The following WDFY3 variants were observed in gnomAD, a reference collection of about 807,000 sequenced individuals.
WDFY3 encodes WD repeat and FYVE domain containing 3.
A neutral mutation model predicts 409.6 loss-of-function variants in WDFY3; 66 were observed. The ratio of observed to expected loss-of-function variants is 0.16; its 90% confidence interval spans 0.13 to 0.20. The LOEUF is 0.20. WDFY3 is among the 10% of genes least tolerant of loss of function. WDFY3 has a pLI of 1.00. For missense variants in WDFY3, 3,031 were observed against 4,298.1 expected (o/e 0.71, Z 8.24); for synonymous variants, 1,521 against 1,537.1 (o/e 0.99, Z 0.25).
At chr4:84,961,723 A>G (rs985170242) in intron 1 of WDFY3, among the ~76,000 whole-genome samples, 1 of 152,324 alleles carries the variant, frequency 6.6e-6, no homozygotes, top group Admixed American at 6.5e-5. Flanking sequence ...TGAAAATAAG[A>G]GTAAAAAAAT....
intron 36 of WDFY3, among the ~76,000 whole-genome samples, chr4:84,747,806 C>T (rs1192101749): frequency 6.6e-6 from 1 of 152,080 alleles, no homozygotes; most frequent in African/African-American, 2.4e-5. Flanking sequence ...CCCCTTCTGC[C>T]ATGACTGTAA....
chr4:84,689,200 G>T (rs961258927), intron 61 of WDFY3, among the ~76,000 whole-genome samples: 1 of 152,072 alleles, frequency 6.6e-6, no homozygotes, highest in African/African-American at 2.4e-5. Context: ...CAGATTGAAG[G>T]TTGATAAATT....
At chr4:84,817,674 G>A in intron 12 of WDFY3, 89 bp from the exon 13 acceptor site, 1 of 1,199,606 alleles carries the variant, frequency 8.3e-7, no homozygotes, top group Non-Finnish European at 1.2e-6. Context: ...ATTTTTTGTA[G>A]GTAAAGTAAC....
chr4:84,914,884 CTT>C (rs1017489387), intron 2 of WDFY3, among the ~76,000 whole-genome samples: 6 of 152,102 alleles, frequency 3.9e-5, no homozygotes, highest in Non-Finnish European at 8.8e-5. Context: ...TGCCAATGTT[CTT>C]ATCAGCAATT....
intron 1 of WDFY3, chr4:84,965,697 G>A (rs1775567750): frequency 1.3e-5 from 2 of 152,298 alleles, no homozygotes; most frequent in Non-Finnish European, 2.9e-5. Flanking sequence ...GAGGCCCGAA[G>A]CCCTGGAGAC....
In WDFY3 at chr4:84,677,473, G is replaced by A. The variant is rs549577650; in HGVS notation, c.10260-77C>T. 25 of 1,400,236 alleles carry A rather than the reference G, an allele frequency of 1.8e-5. No homozygotes were observed. The East Asian group carries it at 4.0e-4, about 22-fold the overall frequency. The allele number at this position is 1,400,236 out of a possible 1,614,324, so 86.7% of individuals were successfully genotyped here. A position where few individuals can be genotyped will look rare whatever the true frequency, so the allele number is the denominator to read the frequency against. The stretch of plus-strand genomic sequence containing the variant: ...CCTTCTTGAGGCTCTCTGGATTTTG[G>A]TGGATGTGTGTTTTGAGGTCGGGGC... On this transcript the variant is annotated intron_variant, in intron 66 of 67. Coordinates refer to ENST00000295888, the MANE Select transcript of WDFY3 (RefSeq NM_014991.6).
intron 2 of WDFY3, among the ~76,000 whole-genome samples, chr4:84,907,193 G>A (rs765958027): frequency 1.3e-5 from 2 of 152,010 alleles, no homozygotes; most frequent in Non-Finnish European, 2.9e-5. Context: ...ATATATCCAC[G>A]AATTTTATGA....
chr4:84,904,613 T>A (rs1303966075), intron 2 of WDFY3, among the ~76,000 whole-genome samples: 1 of 152,178 alleles, frequency 6.6e-6, no homozygotes, highest in Non-Finnish European at 1.5e-5. Context: ...TGTGCTGCAG[T>A]TTGTGCAGGT....
At chr4:84,780,448 G>A in intron 25 of WDFY3, 150 bp from the exon 26 acceptor site, 1 of 935,800 alleles carries the variant, frequency 1.1e-6, no homozygotes, top group Non-Finnish European at 1.5e-6. Flanking sequence ...AGCATTAAAG[G>A]TAGAATTTGG....
chr4:84,880,711 A>G (rs1578957483), intron 3 of WDFY3, among the ~76,000 whole-genome samples: 3 of 70,886 alleles, frequency 4.2e-5, no homozygotes, highest in East Asian at 4.2e-4. Flanking sequence ...ATATATATAT[A>G]TATATATATA....
At chr4:84,798,372 G>T (rs755683360) in intron 17 of WDFY3, among the ~76,000 whole-genome samples, 1 of 150,334 alleles carries the variant, frequency 6.7e-6, no homozygotes, top group African/African-American at 2.4e-5. Context: ...TTTCAAAAAA[G>T]GAATTTAATA....
At chr4:84,931,563 T>C (rs542281977) in intron 2 of WDFY3, among the ~76,000 whole-genome samples, 1 of 152,240 alleles carries the variant, frequency 6.6e-6, no homozygotes, top group East Asian at 1.9e-4. Flanking sequence ...GGAAATCTGA[T>C]TGTCTTTAGT....
chr4:84,946,737 A>G (rs904099254), intron 1 of WDFY3, among the ~76,000 whole-genome samples: 5 of 152,140 alleles, frequency 3.3e-5, no homozygotes, highest in African/African-American at 7.2e-5. Context: ...GCTATACATC[A>G]TAAGTCTGCA....
intron 13 of WDFY3, among the ~76,000 whole-genome samples, chr4:84,815,817 A>G (rs2149783424): frequency 6.6e-6 from 1 of 152,250 alleles, no homozygotes; most frequent in South Asian, 2.1e-4. Context: ...TAAAGCTAAT[A>G]TTTTAGCACT....
chr4:84,679,713 A>G (rs1030381841), intron 64 of WDFY3, among the ~76,000 whole-genome samples: 4 of 151,762 alleles, frequency 2.6e-5, no homozygotes, highest in African/African-American at 9.7e-5. Context: ...GAATCACCCA[A>G]TTCCTTCAGC....
chr4:84,933,583 A>G (rs1771038312), intron 1 of WDFY3, among the ~76,000 whole-genome samples: 1 of 151,992 alleles, frequency 6.6e-6, no homozygotes, highest in South Asian at 2.1e-4. Context: ...CAAATTATTA[A>G]CTGTCACCCT....
intron 13 of WDFY3, among the ~76,000 whole-genome samples, chr4:84,812,001 C>T (rs1024068303): frequency 3.3e-5 from 5 of 152,124 alleles, no homozygotes; most frequent in African/African-American, 1.2e-4. Flanking sequence ...TTCCACTTGT[C>T]AGCACTCAAA....
Position 84,817,550 on chromosome 4 carries a change from G to A in WDFY3, c.1729C>T (p.His577Tyr). The A allele has an allele frequency of 1.2e-6, 2 of 1,611,490 alleles. No individual in the cohort carries two copies. Among genetic ancestry groups the A allele is most frequent in the Non-Finnish European group, 1.7e-6 (2 of 1,178,960 alleles). ...FREFGGARCA[H>Y]NIVKYPQCRQ... ...CATTGAGGGTACTTTACTATATTAT[G>A]TGCACATCTTGCACCTCCAAATTCT... Residue 577 changes from histidine to tyrosine, a missense_variant, in exon 13 of 68, where the codon CAT becomes TAT. Physicochemically the swap from His to Tyr is moderately conservative, Grantham distance 83. Around this residue, in one of 16 missense-constraint regions of WDFY3, gnomAD observed 1,322 missense variants for 1,697.9 expected, o/e 0.78. Transcript: ENST00000295888.
chr4:84,875,548 A>C (rs1762668897), intron 3 of WDFY3, among the ~76,000 whole-genome samples: 1 of 152,232 alleles, frequency 6.6e-6, no homozygotes. Context: ...ACTTCAGCTT[A>C]CTGAAACTCT....
Sources: allele counts gnomAD v4.1 joint callset (sites outside exome capture counted in the v4.1 genomes callset), GRCh38; gene constraint gnomAD v4.1.1; regional missense constraint gnomAD v4.1.1; transcripts MANE v1.5; gene names NCBI Gene and HGNC (gene_info 2026-07-23, HGNC 2026-07-21).